PSEN1: variants seen among roughly 807,000 people sequenced by gnomAD.
PSEN1 encodes the protein presenilin 1.
Under a neutral mutation model 53.5 loss-of-function variants are expected in PSEN1, and 15 were observed. That is an observed-to-expected ratio of 0.28 (90% CI 0.19 to 0.43). PSEN1 has a LOEUF of 0.43. Ranked by LOEUF, PSEN1 falls within the 20% of genes least tolerant of loss-of-function variation. PSEN1 has a pLI of 1.00. For missense variants in PSEN1, 387 were observed against 571.2 expected, an observed-to-expected ratio of 0.68 and a Z score of 3.29; for synonymous variants, 208 against 209.8, an observed-to-expected ratio of 0.99 and a Z score of 0.08.
At chr14:73,213,106 A>G (rs1432542942) in intron 10 of PSEN1, among the ~76,000 whole-genome samples, 1 of 152,178 alleles carries the variant, frequency 6.6e-6, no homozygotes, top group Admixed American at 6.5e-5. Context: ...TGAGTTTTCC[A>G]GATATCAAAG....
intron 6 of PSEN1, among the ~76,000 whole-genome samples, chr14:73,189,181 T>C (rs372935430): frequency 6.6e-6 from 1 of 152,222 alleles, no homozygotes; most frequent in Non-Finnish European, 1.5e-5. Flanking sequence ...ATACGAACTA[T>C]ATAATTTGGA....
At chr14:73,207,859 G>A (rs985556944) in intron 9 of PSEN1, among the ~76,000 whole-genome samples, 1 of 152,238 alleles carries the variant, frequency 6.6e-6, no homozygotes, top group Admixed American at 6.5e-5. Flanking sequence ...ACTGCACACA[G>A]CCAGGCATGC....
chr14:73,211,628 G>A, intron 9 of PSEN1, 141 bp from the exon 10 acceptor site: 1 of 810,240 alleles, frequency 1.2e-6, no homozygotes, highest in Non-Finnish European at 2.0e-6. Context: ...TAAACTACCA[G>A]CAGGCACTGC....
intron 11 of PSEN1, 113 bp from the exon 12 acceptor site, chr14:73,219,021 A>G: frequency 8.3e-7 from 1 of 1,208,870 alleles, no homozygotes; most frequent in Non-Finnish European, 1.2e-6. Context: ...ATTTAACCCC[A>G]AAAGGAAAAT....
chr14:73,198,092 G>C lies in PSEN1; in HGVS notation c.831G>C (p.Glu277Asp). Residue 277 changes from glutamate to aspartate, a missense_variant, in exon 8 of 12, where the codon GAG becomes GAC. Around this residue, in one of 4 missense-constraint regions of PSEN1, gnomAD observed 169 missense variants for 299.7 expected, o/e 0.56. Coordinates refer to ENST00000324501, the MANE Select transcript of PSEN1 (RefSeq NM_000021.4). ...PLRMLVETAQ[E>D]RNETLFPALI... Reference sequence around the variant, plus strand: ...GTATGCTGGTTGAAACAGCTCAGGAGAGAAATGAAACGCTTTTTCCAGCTC... The same window carrying C: ...GTATGCTGGTTGAAACAGCTCAGGACAGAAATGAAACGCTTTTTCCAGCTC... The C allele has an allele frequency of 6.2e-7, 1 of 1,612,512 alleles. No individual in the cohort carries two copies. Among genetic ancestry groups the C allele is most frequent in the Non-Finnish European group, 8.5e-7 (1 of 1,178,728 alleles).
At chr14:73,208,478 G>A (rs945696901) in intron 9 of PSEN1, among the ~76,000 whole-genome samples, 7 of 152,090 alleles carry the variant, frequency 4.6e-5, no homozygotes, top group African/African-American at 1.7e-4. Flanking sequence ...CCTGATGTCT[G>A]TAATCCTCAG....
At chr14:73,218,702 G>A (rs1019975737) in intron 11 of PSEN1, among the ~76,000 whole-genome samples, 1 of 145,700 alleles carries the variant, frequency 6.9e-6, no homozygotes, top group Non-Finnish European at 1.5e-5. Context: ...GCATAGAGAA[G>A]CCCCCGCACA....
At chr14:73,184,669 A>G (rs1215756670) in intron 5 of PSEN1, among the ~76,000 whole-genome samples, 10 of 140,010 alleles carry the variant, frequency 7.1e-5, no homozygotes, top group African/African-American at 2.8e-4. Context: ...TCCCTCCCGG[A>G]CGGAGCGGCT....
intron 3 of PSEN1, among the ~76,000 whole-genome samples, chr14:73,156,669 G>A (rs1046766107): frequency 6.9e-6 from 1 of 144,812 alleles, no homozygotes; most frequent in Non-Finnish European, 1.5e-5. Context: ...AGTTTTGTTT[G>A]TTTTTTTTTT....
chr14:73,208,561 G>A (rs1299807625), intron 9 of PSEN1, among the ~76,000 whole-genome samples: 3 of 152,122 alleles, frequency 2.0e-5, no homozygotes, highest in Non-Finnish European at 4.4e-5. Flanking sequence ...GCCCTCAGTG[G>A]AGAGGAGACC....
intron 10 of PSEN1, among the ~76,000 whole-genome samples, chr14:73,212,145 T>C (rs1310818968): frequency 8.0e-6 from 1 of 124,914 alleles, no homozygotes; most frequent in Non-Finnish European, 1.6e-5. Flanking sequence ...AGAGTCTCGC[T>C]CTGTCGCCAG....
In PSEN1 at chr14:73,221,388, T is replaced by C. The variant is rs547850078; in HGVS notation, c.*2099T>C. On this transcript the variant is annotated 3_prime_UTR_variant, in exon 12 of 12. Transcript: ENST00000324501. ...GGATCCCTAATCTAGAGTAATTTAT[T>C]TGTGTAAGGATCCCAAATGTGTTGC... is the stretch of plus-strand genomic sequence containing the variant. The C allele has an allele frequency of 2.0e-5, 3 of 152,212 alleles. No homozygotes were observed. In the South Asian group the frequency reaches 6.2e-4, roughly 32 times the overall value. 9.4% of individuals were successfully genotyped at this position (152,212 alleles called of 1,614,324 possible).
chr14:73,163,396 G>A (rs1897615490), intron 3 of PSEN1, among the ~76,000 whole-genome samples: 1 of 152,154 alleles, frequency 6.6e-6, no homozygotes, highest in Non-Finnish European at 1.5e-5. Flanking sequence ...TGGGCAACAT[G>A]GTGAAACTTT....
chr14:73,169,119 C>T (rs1471751548), intron 3 of PSEN1: 1 of 152,172 alleles, frequency 6.6e-6, no homozygotes, highest in African/African-American at 2.4e-5. Context: ...TTGTAAAACC[C>T]TTGATGAACT....
chr14:73,208,744 C>G (rs1172944934), intron 9 of PSEN1: 1 of 429,578 alleles, frequency 2.3e-6, no homozygotes, highest in African/African-American at 2.0e-5. Context: ...GTCTGTGGAA[C>G]TGGGAGCTTG....
chr14:73,181,119 G>C (rs1019808277), intron 5 of PSEN1, among the ~76,000 whole-genome samples: 1 of 152,156 alleles, frequency 6.6e-6, no homozygotes, highest in African/African-American at 2.4e-5. Flanking sequence ...TTATCCGTAT[G>C]AGTAGACTAT....
At chr14:73,160,319 G>A (rs980822815) in intron 3 of PSEN1, among the ~76,000 whole-genome samples, 3 of 152,182 alleles carry the variant, frequency 2.0e-5, no homozygotes, top group South Asian at 2.1e-4. Flanking sequence ...CTTCCACTTC[G>A]TGGCTATACT....
rs1180058531 is a variant in PSEN1 at position 73,211,955 on chromosome 14, C to T, written c.1129+13C>T. 4.3e-6 allele frequency: 7 copies of T among 1,613,514 alleles called. No homozygotes were observed. The highest frequency in any genetic ancestry group is 5.1e-6 in the Non-Finnish European group (6 of 1,179,722). On this transcript the variant is annotated intron_variant, in intron 10 of 11. Transcript: ENST00000324501. ...GACCCAGAGGAAAGTATGTGCATTT[C>T]TCTATGTTGCAAAGTCATGGATTCC...
intron 4 of PSEN1, among the ~76,000 whole-genome samples, chr14:73,171,585 A>G (rs1185802455): frequency 6.6e-6 from 1 of 152,212 alleles, no homozygotes; most frequent in Non-Finnish European, 1.5e-5. Context: ...TATCCCTGAC[A>G]CACGTGGTCC....
Sources: allele counts gnomAD v4.1 joint callset (sites outside exome capture counted in the v4.1 genomes callset), GRCh38; gene constraint gnomAD v4.1.1; regional missense constraint gnomAD v4.1.1; transcripts MANE v1.5; gene names NCBI Gene and HGNC (gene_info 2026-07-23, HGNC 2026-07-21).